Variants in INPP4B observed in about 807,000 individuals in gnomAD.
INPP4B encodes the protein inositol polyphosphate-4-phosphatase type II B, also known as inositol polyphosphate 4-phosphatase type II.
In INPP4B, 55 loss-of-function variants were observed where a neutral mutation model predicts 122.5. The ratio of observed to expected loss-of-function variants is 0.45; its 90% CI spans 0.36 to 0.56. The LOEUF (loss-of-function observed/expected upper bound fraction) is 0.56. INPP4B is among the 20% of genes least tolerant of loss of function. The pLI is 0.00. For missense variants in INPP4B, 1,000 were observed against 1,097.7 expected (o/e 0.91, Z 1.26); for synonymous variants, 403 against 388.7 (o/e 1.04, Z -0.43).
At chr4:142,112,331 C>T (rs1369209802) in intron 22 of INPP4B, among the ~76,000 whole-genome samples, 3 of 152,174 alleles carry the variant, frequency 2.0e-5, no homozygotes, top group Non-Finnish European at 4.4e-5. Flanking sequence ...AGATTTTCCT[C>T]AATATTTTTG....
chr4:142,259,796 C>A (rs1053941409), intron 11 of INPP4B, among the ~76,000 whole-genome samples: 3 of 150,560 alleles, frequency 2.0e-5, no homozygotes, highest in Non-Finnish European at 4.4e-5. Context: ...TTTTTTTTTA[C>A]TTTTTAAACA....
At chr4:142,278,476 C>G (rs950629756) in intron 9 of INPP4B, among the ~76,000 whole-genome samples, 11 of 151,838 alleles carry the variant, frequency 7.2e-5, no homozygotes, top group Non-Finnish European at 1.0e-4. Flanking sequence ...TGCCCCAGCT[C>G]TCAAGTAGTC....
intron 7 of INPP4B, among the ~76,000 whole-genome samples, chr4:142,372,434 A>G (rs1790275984): frequency 6.6e-6 from 1 of 152,120 alleles, no homozygotes; most frequent in Non-Finnish European, 1.5e-5. Flanking sequence ...TGAATGTTTG[A>G]GGTGATGAAT....
At chr4:142,824,132 C>G (rs1182250257) in intron 1 of INPP4B, among the ~76,000 whole-genome samples, 1 of 152,064 alleles carries the variant, frequency 6.6e-6, no homozygotes, top group Non-Finnish European at 1.5e-5. Flanking sequence ...ATGGCCCCCC[C>G]AGGTTCTCAG....
At chr4:142,207,461 T>C (rs775878779) in intron 14 of INPP4B, among the ~76,000 whole-genome samples, 40 of 152,180 alleles carry the variant, frequency 2.6e-4, no homozygotes, top group Admixed American at 2.6e-4. Context: ...AACTACTATG[T>C]TGTGACAAGG....
At chr4:142,708,832 G>T (rs1432094717) in intron 2 of INPP4B, among the ~76,000 whole-genome samples, 1 of 152,196 alleles carries the variant, frequency 6.6e-6, no homozygotes, top group Non-Finnish European at 1.5e-5. Flanking sequence ...GCAGAGCTGT[G>T]AGAAGAAGGC....
chr4:142,585,993 ATAACTAAACAC>A (rs1736112660), intron 2 of INPP4B, among the ~76,000 whole-genome samples: 1 of 151,914 alleles, frequency 6.6e-6, no homozygotes, highest in Non-Finnish European at 1.5e-5. Context: ...ATTAGGAGAA[ATAACTAAACAC>A]TTTTCTACAG....
intron 1 of INPP4B, among the ~76,000 whole-genome samples, chr4:142,776,653 T>G (rs1288205702): frequency 6.6e-6 from 1 of 152,108 alleles, no homozygotes; most frequent in Non-Finnish European, 1.5e-5. Context: ...GACACCCAAG[T>G]CTCCAAGGTT....
chr4:142,537,757 G>A (rs1828466482), intron 2 of INPP4B, among the ~76,000 whole-genome samples: 1 of 94,716 alleles, frequency 1.1e-5, no homozygotes, highest in Non-Finnish European at 2.1e-5. Context: ...GTGTGTGTGT[G>A]TGTGTGTGTG....
chr4:142,562,113 A>G (rs1730605847), intron 2 of INPP4B, among the ~76,000 whole-genome samples: 1 of 152,182 alleles, frequency 6.6e-6, no homozygotes, highest in Non-Finnish European at 1.5e-5. Context: ...CATAGAGGAA[A>G]GCTGAGGTAT....
At chr4:142,391,756 T>A (rs1797763506) in intron 7 of INPP4B, among the ~76,000 whole-genome samples, 1 of 152,204 alleles carries the variant, frequency 6.6e-6, no homozygotes, top group African/African-American at 2.4e-5. Context: ...GTATAGTGAC[T>A]TATAAATTCC....
intron 2 of INPP4B, among the ~76,000 whole-genome samples, chr4:142,696,862 T>G (rs951481193): frequency 5.3e-5 from 8 of 152,192 alleles, no homozygotes; most frequent in African/African-American, 1.9e-4. Flanking sequence ...ATTACTTCCC[T>G]TTGCATGTTT....
intron 2 of INPP4B, among the ~76,000 whole-genome samples, chr4:142,490,042 A>AG (rs1821686570): frequency 6.6e-6 from 1 of 151,778 alleles, no homozygotes; most frequent in Non-Finnish European, 1.5e-5. Context: ...GGGGGAAAGG[A>AG]GGGTCTTGGT....
At chr4:142,692,952 T>A (rs1051275998) in intron 2 of INPP4B, among the ~76,000 whole-genome samples, 1 of 151,066 alleles carries the variant, frequency 6.6e-6, no homozygotes, top group African/African-American at 2.4e-5. Context: ...GATACATAGA[T>A]AGAGATAGAC....
intron 9 of INPP4B, among the ~76,000 whole-genome samples, chr4:142,283,682 T>C (rs1484934681): frequency 3.3e-5 from 5 of 152,072 alleles, no homozygotes; most frequent in Non-Finnish European, 7.4e-5. Flanking sequence ...AGAGCAAAAA[T>C]ATGGTGTTAT....
At chr4:142,199,926 T>C (rs926074451) in intron 14 of INPP4B, among the ~76,000 whole-genome samples, 1 of 152,074 alleles carries the variant, frequency 6.6e-6, no homozygotes, top group African/African-American at 2.4e-5. Flanking sequence ...TGGGGGAACA[T>C]ACTTGGAGAC....
intron 7 of INPP4B, among the ~76,000 whole-genome samples, chr4:142,335,030 CT>C (rs1776078854): frequency 6.8e-6 from 1 of 147,510 alleles, no homozygotes; most frequent in Admixed American, 6.9e-5. Flanking sequence ...GAATTCTGGC[CT>C]TCTAAGACCT....
chr4:142,198,342 T>C (rs1169603511), intron 14 of INPP4B, among the ~76,000 whole-genome samples: 2 of 152,056 alleles, frequency 1.3e-5, no homozygotes, highest in African/African-American at 4.8e-5. Context: ...TCAGTATGAT[T>C]TACTACAGCA....
intron 11 of INPP4B, among the ~76,000 whole-genome samples, chr4:142,253,071 G>GT (rs1371678404): frequency 1.3e-5 from 2 of 152,106 alleles, no homozygotes; most frequent in African/African-American, 4.8e-5. Context: ...ACACCACAAT[G>GT]GTAAGTATTT....
Sources: gnomAD v4.1 joint callset for allele counts (sites outside exome capture counted in the v4.1 genomes callset) on GRCh38, gnomAD v4.1.1 for gene constraint, MANE v1.5 for transcripts, NCBI Gene and HGNC (gene_info 2026-07-23, HGNC 2026-07-21) for gene names.